Variants in LRP5 observed in about 807,000 individuals in gnomAD.
LRP5 encodes the protein low-density lipoprotein receptor-related protein 5.
A neutral mutation model predicts 154.1 loss-of-function variants in LRP5; 62 were observed. The ratio of observed to expected loss-of-function variants is 0.40; its 90% confidence interval spans 0.33 to 0.50. The LOEUF (loss-of-function observed/expected upper bound fraction) is 0.50, where lower values mean the gene tolerates loss of function less well. LRP5 is among the 20% of genes least tolerant of loss of function. The pLI is 0.55. For missense variants in LRP5, 1,915 were observed against 2,336.7 expected, an observed-to-expected ratio of 0.82 and a Z score of 3.72; for synonymous variants, 966 against 1,011.5, an observed-to-expected ratio of 0.96 and a Z score of 0.85.
At chr11:68,390,194 T>A in intron 7 of LRP5, 142 bp downstream of exon 7, 1 of 1,070,952 alleles carries the variant, frequency 9.3e-7, no homozygotes, top group Non-Finnish European at 1.4e-6. Context: ...ATAGTTACAA[T>A]ACTTTCTGAC....
intron 17 of LRP5, among the ~76,000 whole-genome samples, chr11:68,430,058 C>A (rs2098671059): frequency 6.6e-6 from 1 of 152,174 alleles, no homozygotes; most frequent in Non-Finnish European, 1.5e-5. Flanking sequence ...CAACTGATTT[C>A]TAATTTAATT....
chr11:68,397,414 C>T (rs990210078), intron 7 of LRP5, among the ~76,000 whole-genome samples: 3 of 152,172 alleles, frequency 2.0e-5, no homozygotes, highest in Admixed American at 2.0e-4. Context: ...GAGGGACAGC[C>T]CAGCCCTCTC....
At position 68,363,910 on chromosome 11, in the gene LRP5, A is replaced by G. The variant is rs1215616472; in HGVS notation, c.850A>G (p.Ile284Val). Residue 284 changes from isoleucine to valine, a missense_variant, in exon 4 of 23, where the codon ATC (isoleucine) becomes GTC (valine). Coordinates refer to ENST00000294304, the MANE Select transcript of LRP5 (RefSeq NM_002335.4). ...ILSALYSPMDIQVLSQERQPF... is the reference protein window; with the variant it reads ...ILSALYSPMDVQVLSQERQPF... ...GAGTGCCCTCTACTCACCCATGGAC[A>G]TCCAGGTGCTGAGCCAGGAGCGGCA... 1 of 1,608,266 alleles carries G rather than the reference A, an allele frequency of 6.2e-7. No individual in the cohort carries two copies. The highest frequency in any genetic ancestry group is 1.1e-5 in the South Asian group (1 of 90,994).
At chr11:68,364,099 G>A (rs2098629579) in intron 4 of LRP5, among the ~76,000 whole-genome samples, 156 bp downstream of exon 4, 1 of 151,394 alleles carries the variant, frequency 6.6e-6, no homozygotes, top group Non-Finnish European at 1.5e-5. Context: ...CCATGCTCTG[G>A]GGGGCCCCCT....
chr11:68,391,465 T>C (rs1230253931), intron 7 of LRP5, among the ~76,000 whole-genome samples: 1 of 152,192 alleles, frequency 6.6e-6, no homozygotes, highest in Non-Finnish European at 1.5e-5. Context: ...TCACCTTTGC[T>C]CTCCTCAGGG....
intron 1 of LRP5, among the ~76,000 whole-genome samples, chr11:68,326,153 T>A (rs1462436022): frequency 6.6e-6 from 1 of 152,182 alleles, no homozygotes; most frequent in African/African-American, 2.4e-5. Flanking sequence ...CCTGGTGGGA[T>A]GGGGTCAGGT....
intron 7 of LRP5, among the ~76,000 whole-genome samples, chr11:68,391,425 C>T (rs2098646255): frequency 6.6e-6 from 1 of 152,242 alleles, no homozygotes; most frequent in African/African-American, 2.4e-5. Flanking sequence ...TCCTGAGCTG[C>T]ATCAGTCCTT....
intron 1 of LRP5, among the ~76,000 whole-genome samples, chr11:68,337,863 TC>T (rs1444785539): frequency 6.7e-6 from 1 of 149,856 alleles, no homozygotes; most frequent in Non-Finnish European, 1.5e-5. Context: ...AGCCAGATCT[TC>T]CCCATCTAGA....
At chr11:68,331,988 C>G (rs2098603098) in intron 1 of LRP5, among the ~76,000 whole-genome samples, 1 of 151,850 alleles carries the variant, frequency 6.6e-6, no homozygotes, top group Non-Finnish European at 1.5e-5. Context: ...AGGTGGGGGC[C>G]AAGCTGGAAG....
intron 12 of LRP5, among the ~76,000 whole-genome samples, chr11:68,414,752 C>A (rs113454506): frequency 3.9e-5 from 6 of 152,238 alleles, no homozygotes; most frequent in African/African-American, 1.4e-4. Flanking sequence ...CTCACGCAGA[C>A]CTGGTCGCAG....
chr11:68,439,938 G>T, intron 21 of LRP5, 22 bp downstream of exon 21: 1 of 1,510,400 alleles, frequency 6.6e-7, no homozygotes, highest in Non-Finnish European at 8.9e-7. Context: ...GGCCGGGGAG[G>T]GGCGGGGCGG....
At chr11:68,374,976 T>C (rs2098636542) in intron 5 of LRP5, among the ~76,000 whole-genome samples, 1 of 152,186 alleles carries the variant, frequency 6.6e-6, no homozygotes, top group South Asian at 2.1e-4. Flanking sequence ...TGCAGCCTCT[T>C]CCATGTCCCC....
At chr11:68,345,999 C>T (rs2098612597) in intron 1 of LRP5, among the ~76,000 whole-genome samples, 1 of 151,994 alleles carries the variant, frequency 6.6e-6, no homozygotes, top group Non-Finnish European at 1.5e-5. Context: ...AGTTGTTTGC[C>T]CATTTTTGAG....
At chr11:68,435,931 G>A (rs1469444480) in intron 18 of LRP5, among the ~76,000 whole-genome samples, 1 of 152,112 alleles carries the variant, frequency 6.6e-6, no homozygotes, top group Non-Finnish European at 1.5e-5. Flanking sequence ...TCACCATGTT[G>A]GCCAGGCTGG....
intron 7 of LRP5, among the ~76,000 whole-genome samples, chr11:68,397,383 G>A (rs532080008): frequency 2.0e-5 from 3 of 152,212 alleles, no homozygotes; most frequent in South Asian, 2.1e-4. Context: ...CTTCCCACCC[G>A]CTGGCCGTGC....
At chr11:68,445,654 G>A in intron 21 of LRP5, 1 of 1,319,124 alleles carries the variant, frequency 7.6e-7, no homozygotes, top group South Asian at 1.2e-5. Context: ...GCTGCATGTT[G>A]GGTTGGGGTG....
At chr11:68,390,135 C>A in intron 7 of LRP5, 83 bp downstream of exon 7, 1 of 1,510,694 alleles carries the variant, frequency 6.6e-7, no homozygotes, top group Non-Finnish European at 9.1e-7. Flanking sequence ...GGCGAGGCAC[C>A]GATGGGTGCC....
rs774060807 is a variant in LRP5, at chr11:68,403,707, C to T, written c.1801+8C>T. On this transcript the variant is annotated splice_region_variant and intron_variant, in intron 8 of 22. Transcript: ENST00000294304. ...ATGTGGCCAAGGTCGTCGGTGAGTC[C>T]GGGGGGTCCCAAGCCATGGCTCAGC... The T allele has an allele frequency of 4.6e-5, 74 of 1,612,624 alleles. No individual in the cohort carries two copies. Among genetic ancestry groups the T allele is most frequent in the Middle Eastern group, 1.9e-4 (1 of 5,176 alleles).
chr11:68,341,638 C>T (rs578169431), intron 1 of LRP5, among the ~76,000 whole-genome samples: 1 of 152,086 alleles, frequency 6.6e-6, no homozygotes, highest in African/African-American at 2.4e-5. Flanking sequence ...AGAGGACCAG[C>T]ACCCGCCATG....
Sources: allele counts gnomAD v4.1 joint callset (sites outside exome capture counted in the v4.1 genomes callset), GRCh38; gene constraint gnomAD v4.1.1; transcripts MANE v1.5; gene names NCBI Gene and HGNC (gene_info 2026-07-23, HGNC 2026-07-21).